The following ANAPC4 variants were observed in gnomAD, a reference collection of about 807,000 sequenced individuals.
ANAPC4 encodes the protein anaphase-promoting complex subunit 4.
In ANAPC4, 63 loss-of-function variants were observed where a neutral mutation model predicts 119.8. That is an observed-to-expected ratio of 0.53 (90% confidence interval 0.43 to 0.65). ANAPC4 has a LOEUF of 0.65. Ranked by LOEUF, ANAPC4 falls within the 30% of genes least tolerant of loss-of-function variation. The pLI is 0.00. For missense variants in ANAPC4, 716 were observed against 945.1 expected (o/e 0.76, Z 3.18); for synonymous variants, 283 against 318.6 (o/e 0.89, Z 1.19).
chr4:25,391,298 G>A (rs1396788249), intron 9 of ANAPC4, among the ~76,000 whole-genome samples: 1 of 152,102 alleles, frequency 6.6e-6, no homozygotes, highest in Non-Finnish European at 1.5e-5. Flanking sequence ...TGTTTGCTTA[G>A]GACTCTGTCC....
chr4:25,377,695 C>A, intron 2 of ANAPC4, 139 bp downstream of exon 2: 1 of 1,275,856 alleles, frequency 7.8e-7, no homozygotes. Flanking sequence ...TGGCCACCTG[C>A]TACCCCTTCC....
chr4:25,388,934 A>T (rs1038951007), intron 7 of ANAPC4, 52 bp downstream of exon 7: 19 of 1,440,720 alleles, frequency 1.3e-5, no homozygotes, highest in Non-Finnish European at 1.8e-5. Context: ...TTCATATTTG[A>T]GGCAGTTTTC....
At chr4:25,393,315 G>A (rs1006353741) in intron 10 of ANAPC4, among the ~76,000 whole-genome samples, 12 of 152,246 alleles carry the variant, frequency 7.9e-5, no homozygotes, top group African/African-American at 2.9e-4. Context: ...GGAATGTTTC[G>A]TAGTTAAGTG....
chr4:25,403,046 C>G lies in ANAPC4; in HGVS notation c.1270+20C>G, dbSNP rs1397687229. 1.3e-6 allele frequency: 2 copies of G among 1,578,930 alleles called. No homozygotes were observed. The highest frequency in any genetic ancestry group is 1.7e-6 in the Non-Finnish European group (2 of 1,156,280). The stretch of plus-strand genomic sequence containing the variant: ...ATGTGGGTAAGTTAATTGAGTGAAG[C>G]ATTTTTATTTTAACACTTTAAAAAA... On this transcript the variant is annotated intron_variant, in intron 17 of 28. Transcript: ENST00000315368.
Position 25,392,319 on chromosome 4 carries a change from T to G in ANAPC4, c.706-19T>G. On this transcript the variant is annotated intron_variant, in intron 9 of 28. Coordinates refer to ENST00000315368, the MANE Select transcript of ANAPC4 (RefSeq NM_013367.3). The stretch of plus-strand genomic sequence containing the variant: ...AAGTGCATCTGATGATGACTCACTT[T>G]ACTCTTTTGATTTTACAGCTTGAAA... The G allele has an allele frequency of 1.3e-6, 2 of 1,568,698 alleles. No individual in the cohort carries two copies. The highest frequency in any genetic ancestry group is 1.8e-6 in the Non-Finnish European group (2 of 1,139,496).
chr4:25,386,959 A>G (rs954843654), intron 4 of ANAPC4, among the ~76,000 whole-genome samples: 8 of 152,330 alleles, frequency 5.3e-5, no homozygotes, highest in Middle Eastern at 6.8e-3. Context: ...AACAACCTCA[A>G]TTTGCCAATC....
intron 19 of ANAPC4, 74 bp from the exon 20 acceptor site, chr4:25,407,123 G>T (rs1723295204): frequency 2.3e-6 from 3 of 1,317,072 alleles, no homozygotes; most frequent in Non-Finnish European, 3.2e-6. Flanking sequence ...GAAAAGGAAG[G>T]TTTTGGGTTT....
intron 7 of ANAPC4, among the ~76,000 whole-genome samples, chr4:25,389,294 G>T (rs1722211819): frequency 6.6e-6 from 1 of 152,244 alleles, no homozygotes. Context: ...GAGTAGCTGG[G>T]ACTACAGGCA....
rs775545101 is a variant in ANAPC4, at chr4:25,396,872, T to C, written c.1187T>C (p.Phe396Ser). The part of the protein sequence containing the change: ...IEEAITAVGS[F>S]ILKANELLQV... The stretch of plus-strand genomic sequence containing the variant: ...GAAGCTATAACTGCTGTGGGTTCTT[T>C]TATACTCAAGGCAAATGAACTTCTT... Residue 396 changes from phenylalanine to serine, a missense_variant, in exon 16 of 29, where the codon TTT becomes TCT. This residue lies in a region of ANAPC4 where 504 missense variants were observed against 615.8 expected (regional missense o/e 0.82). Transcript: ENST00000315368. 1 of 1,612,900 alleles carries C rather than the reference T, an allele frequency of 6.2e-7. No homozygotes were observed. Among genetic ancestry groups the C allele is most frequent in the Non-Finnish European group, 8.5e-7 (1 of 1,179,654 alleles).
intron 20 of ANAPC4, among the ~76,000 whole-genome samples, chr4:25,408,532 AAAAAATTTTTTTTTTTT>A (rs1201304133): frequency 1.5e-5 from 2 of 133,306 alleles, no homozygotes; most frequent in African/African-American, 5.0e-5. Flanking sequence ...CCAAAAAAAA[AAAAAATTTTTTTTTTTT>A]TGAGACAAGA....
intron 2 of ANAPC4, among the ~76,000 whole-genome samples, chr4:25,378,626 G>A (rs1235494331): frequency 6.6e-6 from 1 of 152,242 alleles, no homozygotes; most frequent in Non-Finnish European, 1.5e-5. Flanking sequence ...AGTGAAGGAA[G>A]AAGCAAGGGC....
At chr4:25,411,151 G>A (rs62409210) in intron 21 of ANAPC4, among the ~76,000 whole-genome samples, 1,917 of 152,302 alleles carry the variant, frequency 0.013, 17 homozygotes, top group Non-Finnish European at 0.021. Context: ...GGTGCAAGTT[G>A]GCTATTGAAT....
At chr4:25,415,155 T>A (rs3816586) in intron 25 of ANAPC4, 2 of 237,168 alleles carry the variant, frequency 8.4e-6, no homozygotes, top group Non-Finnish European at 1.6e-5. Flanking sequence ...AAAGTAGAAG[T>A]TCTGAAAAAT....
chr4:25,382,375 A>G (rs1406046363), intron 3 of ANAPC4, among the ~76,000 whole-genome samples: 1 of 152,194 alleles, frequency 6.6e-6, no homozygotes, highest in Non-Finnish European at 1.5e-5. Flanking sequence ...TAAACATTCT[A>G]TGCTCATTCT....
intron 27 of ANAPC4, chr4:25,417,351 A>G: frequency 4.4e-6 from 1 of 228,952 alleles, no homozygotes; most frequent in Non-Finnish European, 8.5e-6. Context: ...GAACTCCTGG[A>G]CTCAAGCAAT....
At chr4:25,409,175 G>C (rs1298611597) in intron 20 of ANAPC4, among the ~76,000 whole-genome samples, 1 of 152,178 alleles carries the variant, frequency 6.6e-6, no homozygotes, top group Non-Finnish European at 1.5e-5. Context: ...CCAGGGGCTT[G>C]TGGATCTCAC....
chr4:25,378,780 T>C (rs958443158), intron 2 of ANAPC4, among the ~76,000 whole-genome samples: 28 of 152,206 alleles, frequency 1.8e-4, no homozygotes, highest in African/African-American at 6.8e-4. Context: ...ATCGGTGTTA[T>C]TATTTGAGAG....
intron 3 of ANAPC4, 146 bp downstream of exon 3, chr4:25,380,625 A>C: frequency 2.1e-6 from 1 of 474,938 alleles, no homozygotes; most frequent in Non-Finnish European, 3.5e-6. Flanking sequence ...AATGCCTTAA[A>C]ATATTTTTAT....
chr4:25,386,915 C>G (rs16877083), intron 4 of ANAPC4, among the ~76,000 whole-genome samples: 9,552 of 152,198 alleles, frequency 0.063, 362 homozygotes, highest in South Asian at 0.13. Context: ...GCACAAAAAA[C>G]AAAGCTCTAG....
Sources: allele counts gnomAD v4.1 joint callset (sites outside exome capture counted in the v4.1 genomes callset), GRCh38; gene constraint gnomAD v4.1.1; regional missense constraint gnomAD v4.1.1; transcripts MANE v1.5; gene names NCBI Gene and HGNC (gene_info 2026-07-23, HGNC 2026-07-21).